The following EMC6 variants were observed in gnomAD, a reference collection of about 807,000 sequenced individuals.
The protein encoded by EMC6 is transmembrane protein 93.
A neutral mutation model predicts 6.5 loss-of-function variants in EMC6; 1 was observed. The observed-to-expected ratio is 0.15, with a 90% CI of 0.05 to 0.73. The LOEUF (loss-of-function observed/expected upper bound fraction) is 0.73. Among genes scored for constraint, EMC6 ranks in the 30% least tolerant of loss-of-function variants. The pLI, the probability that EMC6 is intolerant of heterozygous loss-of-function variation, is 0.78. For synonymous variants in EMC6, 96 were observed against 74.3 expected (o/e 1.29, Z -1.50); for missense variants, 114 against 146.7 (o/e 0.78, Z 1.15).
At chr17:3,669,035 G>A in intron 1 of EMC6, 63 bp from the exon 2 acceptor site, 1 of 1,007,718 alleles carries the variant, frequency 9.9e-7, no homozygotes, top group Non-Finnish European at 1.4e-6. Context: ...CCAGGGGGAG[G>A]GGGCGGCGTG....
rs2049980833 is a variant in EMC6, at chr17:3,669,515, T to A, written c.*36T>A. ...CGGGGGACTTTTTTAAAAAACCAGA[T>A]CGGGAGGACTGTGGCCAGCAATTAA... On this transcript the variant is annotated 3_prime_UTR_variant, in exon 2 of 2. Coordinates refer to ENST00000248378, the MANE Select transcript of EMC6 (RefSeq NM_031298.4). 3.9e-6 allele frequency: 6 copies of A among 1,535,162 alleles called. No homozygotes were observed. The highest frequency in any genetic ancestry group is 4.4e-6 in the Non-Finnish European group (5 of 1,135,478).
rs142036485 is a variant in EMC6, at chr17:3,669,230, T to C, written c.84T>C (p.Tyr28=). 7.6e-5 allele frequency: 122 copies of C among 1,612,058 alleles called. No individual in the cohort carries two copies. In the African/African-American group the frequency reaches 1.4e-3, roughly 18 times the overall value. The stretch of plus-strand genomic sequence containing the variant: ...GGGGCAACGCCGCCGTCCTGGATTA[T>C]TGCCGGACCTCGGTGTCAGCGCTGT... ...AVRGNAAVLD[Y]CRTSVSALSG... The change falls in exon 2 of 2, where the codon TAT becomes TAC. Residue 28 remains tyrosine, a synonymous_variant. Transcript: ENST00000248378.
In EMC6 at chr17:3,669,250, C is replaced by T. The variant is rs762839831; in HGVS notation, c.104C>T (p.Ala35Val). The T allele has an allele frequency of 3.1e-6, 5 of 1,613,314 alleles. No individual in the cohort carries two copies. The highest frequency in any genetic ancestry group is 2.7e-5 in the African/African-American group (2 of 74,960). The part of the protein sequence containing the change: ...VLDYCRTSVS[A>V]LSGATAGILG... ...GATTATTGCCGGACCTCGGTGTCAG[C>T]GCTGTCGGGGGCCACGGCCGGCATC... Residue 35 changes from alanine to valine, a missense_variant, in exon 2 of 2, where the codon GCG (alanine) becomes GTG (valine). Ala to Val is a moderately conservative substitution (Grantham distance 64, BLOSUM62 0). Coordinates refer to ENST00000248378, the MANE Select transcript of EMC6 (RefSeq NM_031298.4).
rs1020686849 is a variant in EMC6, at chr17:3,669,431, C to G, written c.285C>G (p.Thr95=). Residue 95 remains threonine, a synonymous_variant, in exon 2 of 2, where the codon ACC becomes ACG. Transcript: ENST00000248378. ...FTGGLIGGLF[T]YVLFWTFLYG... is the part of the protein sequence containing the mutation. ...GAGGCCTCATCGGGGGCCTCTTCACCTACGTCCTGTTCTGGACGTTCCTCT... is the reference window on the plus strand; with the variant it reads ...GAGGCCTCATCGGGGGCCTCTTCACGTACGTCCTGTTCTGGACGTTCCTCT... The G allele has an allele frequency of 6.2e-7, 1 of 1,613,834 alleles. No individual in the cohort carries two copies. Among genetic ancestry groups the G allele is most frequent in the African/African-American group, 1.3e-5 (1 of 75,066 alleles).
At position 3,668,990 on chromosome 17, in the gene EMC6, C is replaced by A; in HGVS notation, c.-50+91C>A. ...AATCTCCTCGGCGTCTTTGGAAGAT[C>A]CGAGGCCCAGGACTGGTGCCAGGTC... On this transcript the variant is annotated intron_variant, in intron 1 of 1. Transcript: ENST00000248378. The surrounding 1 kb of genome is among the most constrained non-coding windows in gnomAD (Gnocchi z 4.1). 2.8e-6 allele frequency: 2 copies of A among 701,952 alleles called. No individual in the cohort carries two copies. Among genetic ancestry groups the A allele is most frequent in the African/African-American group, 1.8e-5 (1 of 54,802 alleles). 43.5% of individuals were successfully genotyped at this position (701,952 alleles called of 1,614,324 possible). A position where few individuals can be genotyped will look rare whatever the true frequency, so the allele number is the denominator to read the frequency against.
Position 3,668,825 on chromosome 17 carries a change from A to G in EMC6, c.-124A>G, listed in dbSNP as rs1336078109. The G allele has an allele frequency of 3.9e-6, 2 of 511,208 alleles. No individual in the cohort carries two copies. Among genetic ancestry groups the G allele is most frequent in the African/African-American group, 4.1e-5 (2 of 49,254 alleles). The allele number at this position is 511,208 out of a possible 1,614,324, so 31.7% of individuals were successfully genotyped here. On this transcript the variant is annotated 5_prime_UTR_variant, in exon 1 of 2. Coordinates refer to ENST00000248378, the MANE Select transcript of EMC6 (RefSeq NM_031298.4). The surrounding 1 kb of genome is among the most constrained non-coding windows in gnomAD (Gnocchi z 4.1). ...AGACCTCCCGGCAGTCTTCCGAGCA[A>G]GATGGCGCCGCGGGCATTTCTTCCA...
At position 3,669,146 on chromosome 17, in the gene EMC6, G is replaced by T; in HGVS notation, c.-1G>T. 1.3e-6 allele frequency: 2 copies of T among 1,515,210 alleles called. No individual in the cohort carries two copies. The highest frequency in any genetic ancestry group is 1.8e-6 in the Non-Finnish European group (2 of 1,131,286). The allele number at this position is 1,515,210 out of a possible 1,614,324, so 93.9% of individuals were successfully genotyped here. ...CGAGAGGCCGAGCCCGGGCTGGTGC[G>T]ATGGCCGCGGTGGTGGCCAAGCGGG... On this transcript the variant is annotated 5_prime_UTR_variant, in exon 2 of 2. Coordinates refer to ENST00000248378, the MANE Select transcript of EMC6 (RefSeq NM_031298.4).
intron 1 of EMC6, 83 bp from the exon 2 acceptor site, chr17:3,669,015 C>T: frequency 1.2e-6 from 1 of 851,600 alleles, no homozygotes; most frequent in Non-Finnish European, 1.8e-6. Flanking sequence ...GGTGCCAGGT[C>T]TCGGAAGCTC....
In EMC6 at chr17:3,669,511, C is replaced by G; in HGVS notation, c.*32C>G. 1 of 1,545,906 alleles carries G rather than the reference C, an allele frequency of 6.5e-7. No individual in the cohort carries two copies. The highest frequency in any genetic ancestry group is 8.8e-7 in the Non-Finnish European group (1 of 1,142,822). ...GGCCCGGGGGACTTTTTTAAAAAAC[C>G]AGATCGGGAGGACTGTGGCCAGCAA... On this transcript the variant is annotated 3_prime_UTR_variant, in exon 2 of 2. Transcript: ENST00000248378.
Position 3,669,522 on chromosome 17 carries a change from G to T in EMC6, c.*43G>T. ...CTTTTTTAAAAAACCAGATCGGGAG[G>T]ACTGTGGCCAGCAATTAACACCATG... On this transcript the variant is annotated 3_prime_UTR_variant, in exon 2 of 2. Coordinates refer to ENST00000248378, the MANE Select transcript of EMC6 (RefSeq NM_031298.4). The T allele has an allele frequency of 6.6e-7, 1 of 1,518,060 alleles. No homozygotes were observed. 94.0% of individuals were successfully genotyped at this position (1,518,060 alleles called of 1,614,324 possible). A position where few individuals can be genotyped will look rare whatever the true frequency, so the allele number is the denominator to read the frequency against.
Position 3,669,234 on chromosome 17 carries a change from C to T in EMC6, c.88C>T (p.Arg30Trp), listed in dbSNP as rs528793612. The T allele has an allele frequency of 3.7e-6, 6 of 1,612,266 alleles. No homozygotes were observed. In the African/African-American group the frequency reaches 5.3e-5, roughly 14 times the overall value. ...CAACGCCGCCGTCCTGGATTATTGCCGGACCTCGGTGTCAGCGCTGTCGGG... is the reference window on the plus strand; with the variant it reads ...CAACGCCGCCGTCCTGGATTATTGCTGGACCTCGGTGTCAGCGCTGTCGGG... ...RGNAAVLDYC[R>W]TSVSALSGAT... Residue 30 changes from arginine (R) to tryptophan (W), a missense_variant, in exon 2 of 2, where the codon CGG (arginine) becomes TGG (tryptophan). Arg to Trp is a moderately radical substitution (Grantham distance 101). Transcript: ENST00000248378.
At position 3,669,596 on chromosome 17, in the gene EMC6, C is replaced by T; in HGVS notation, c.*117C>T. The T allele has an allele frequency of 1.3e-6, 1 of 750,384 alleles. No individual in the cohort carries two copies. Among genetic ancestry groups the T allele is most frequent in the Non-Finnish European group, 2.1e-6 (1 of 476,086 alleles). The allele number at this position is 750,384 out of a possible 1,614,324, so 46.5% of individuals were successfully genotyped here. ...GTTGAATTCGCTGCTTGTTCTGTAA[C>T]GTTATAAATAATTTATATCTGAAGA... On this transcript the variant is annotated 3_prime_UTR_variant, in exon 2 of 2. Coordinates refer to ENST00000248378, the MANE Select transcript of EMC6 (RefSeq NM_031298.4).
At position 3,669,144 on chromosome 17, in the gene EMC6, G is replaced by T. The variant is rs150979622; in HGVS notation, c.-3G>T. ...AGCGAGAGGCCGAGCCCGGGCTGGT[G>T]CGATGGCCGCGGTGGTGGCCAAGCG... On this transcript the variant is annotated 5_prime_UTR_variant, in exon 2 of 2. Transcript: ENST00000248378. 3,836 of 1,513,598 alleles carry T rather than the reference G, an allele frequency of 2.5e-3. 95 individuals carry two copies. The African/African-American group carries it at 0.045, about 18-fold the overall frequency. The allele number at this position is 1,513,598 out of a possible 1,614,324, so 93.8% of individuals were successfully genotyped here.
Position 3,669,662 on chromosome 17 carries a change from G to A in EMC6, c.*183G>A, listed in dbSNP as rs1270440737. 2 of 582,580 alleles carry A rather than the reference G, an allele frequency of 3.4e-6. No homozygotes were observed. Among genetic ancestry groups the A allele is most frequent in the Non-Finnish European group, 3.0e-6 (1 of 338,756 alleles). The allele number at this position is 582,580 out of a possible 1,614,324, so 36.1% of individuals were successfully genotyped here. A position where few individuals can be genotyped will look rare whatever the true frequency, so the allele number is the denominator to read the frequency against. ...ATTCTTCAGATTAAATGAAGCGTGA[G>A]ACACTTTGTGGAGTTCTTTCCTGCT... On this transcript the variant is annotated 3_prime_UTR_variant, in exon 2 of 2. Transcript: ENST00000248378.
At chr17:3,669,066 G>T in intron 1 of EMC6, 32 bp from the exon 2 acceptor site, 1 of 1,363,146 alleles carries the variant, frequency 7.3e-7, no homozygotes, top group South Asian at 1.5e-5. Context: ...ACCGAGCTCC[G>T]GGCGCCACTT....
At position 3,669,293 on chromosome 17, in the gene EMC6, C is replaced by G. The variant is rs1148572; in HGVS notation, c.147C>G (p.Leu49=). 3.1e-6 allele frequency: 5 copies of G among 1,614,016 alleles called. No individual in the cohort carries two copies. Among genetic ancestry groups the G allele is most frequent in the Admixed American group, 3.3e-5 (2 of 60,012 alleles). ...ATAGILGLTG[L]YGFIFYLLAS... is the part of the protein sequence containing the mutation. ...CCGGCATCCTCGGCCTCACCGGCCT[C>G]TACGGCTTCATCTTCTACCTGCTCG... The change falls in exon 2 of 2, where the codon CTC becomes CTG. Residue 49 remains leucine, a synonymous_variant. Transcript: ENST00000248378.
chr17:3,669,486 G>A lies in EMC6; in HGVS notation c.*7G>A. ...CATGGTGCACGTCTACTGAAATGGGGGCCCGGGGGACTTTTTTAAAAAACC... is the reference window on the plus strand; with the variant it reads ...CATGGTGCACGTCTACTGAAATGGGAGCCCGGGGGACTTTTTTAAAAAACC... On this transcript the variant is annotated 3_prime_UTR_variant, in exon 2 of 2. Coordinates refer to ENST00000248378, the MANE Select transcript of EMC6 (RefSeq NM_031298.4). 1 of 1,570,714 alleles carries A rather than the reference G, an allele frequency of 6.4e-7. No homozygotes were observed. The highest frequency in any genetic ancestry group is 1.9e-5 in the Admixed American group (1 of 53,098).
At position 3,668,965 on chromosome 17, in the gene EMC6, A is replaced by G. The variant is rs2049968518; in HGVS notation, c.-50+66A>G. The G allele has an allele frequency of 3.2e-6, 2 of 631,236 alleles. No individual in the cohort carries two copies. 39.1% of individuals were successfully genotyped at this position (631,236 alleles called of 1,614,324 possible). A position where few individuals can be genotyped will look rare whatever the true frequency, so the allele number is the denominator to read the frequency against. ...CACCTCCCGGCCGGCCCGGACCCTC[A>G]ATCTCCTCGGCGTCTTTGGAAGATC... On this transcript the variant is annotated intron_variant, in intron 1 of 1. Coordinates refer to ENST00000248378, the MANE Select transcript of EMC6 (RefSeq NM_031298.4). The surrounding 1 kb of genome is among the most constrained non-coding windows in gnomAD (Gnocchi z 4.1).
chr17:3,669,506 A>C lies in EMC6; in HGVS notation c.*27A>C. The C allele has an allele frequency of 6.4e-7, 1 of 1,555,094 alleles. No individual in the cohort carries two copies. Among genetic ancestry groups the C allele is most frequent in the Non-Finnish European group, 8.7e-7 (1 of 1,148,874 alleles). ...ATGGGGGCCCGGGGGACTTTTTTAAAAAACCAGATCGGGAGGACTGTGGCC... is the reference window on the plus strand; with the variant it reads ...ATGGGGGCCCGGGGGACTTTTTTAACAAACCAGATCGGGAGGACTGTGGCC... On this transcript the variant is annotated 3_prime_UTR_variant, in exon 2 of 2. Coordinates refer to ENST00000248378, the MANE Select transcript of EMC6 (RefSeq NM_031298.4).
Sources: gnomAD v4.1 joint callset for allele counts on GRCh38, gnomAD v4.1.1 for gene constraint, Gnocchi (gnomAD v3.1) non-coding constraint, MANE v1.5 for transcripts, NCBI Gene and HGNC (gene_info 2026-07-23, HGNC 2026-07-21) for gene names.